The following PCDH15 variants were observed in gnomAD, a reference collection of about 807,000 sequenced individuals.
The protein encoded by PCDH15 is protocadherin related 15.
In PCDH15, 129 loss-of-function variants were observed where a neutral mutation model predicts 178.5. That is an observed-to-expected ratio of 0.72 (90% CI 0.63 to 0.84). The LOEUF is 0.84. PCDH15 is among the 40% of genes least tolerant of loss of function. The pLI, the probability that PCDH15 is intolerant of heterozygous loss-of-function variation, is 0.00. For synonymous variants in PCDH15, 800 were observed against 732.0 expected (o/e 1.09, Z -1.50); for missense variants, 2,230 against 2,099.9 (o/e 1.06, Z -1.21).
chr10:53,822,575 T>TGTCTCTCTCCTAGAGAGTGAAGAATGTAA, intron 32 of PCDH15: 1 of 1,613,916 alleles, frequency 6.2e-7, no homozygotes, highest in Non-Finnish European at 8.5e-7. Flanking sequence ...TACAAATAGG[T>TGTCTCTCTCCTAGAGAGTGAAGAATGTAA]GTCTCTCTCC....
intron 2 of PCDH15, among the ~76,000 whole-genome samples, chr10:55,329,673 C>G (rs533145842): frequency 6.6e-6 from 1 of 151,794 alleles, no homozygotes; most frequent in South Asian, 2.1e-4. Context: ...TGACATGAAA[C>G]CTATAGAGAG....
intron 3 of PCDH15, among the ~76,000 whole-genome samples, chr10:54,503,225 A>G (rs9794198): frequency 2.3e-3 from 196 of 83,770 alleles, no homozygotes; most frequent in South Asian, 9.0e-3. Context: ...ATACATATAT[A>G]TGTGTGTGTG....
At chr10:54,417,772 A>G (rs894809454) in intron 3 of PCDH15, among the ~76,000 whole-genome samples, 5 of 152,210 alleles carry the variant, frequency 3.3e-5, no homozygotes, top group Non-Finnish European at 7.3e-5. Context: ...AGTACAATAT[A>G]AATTCCAGAT....
At chr10:55,317,860 G>T (rs138308956) in intron 1 of PCDH15, among the ~76,000 whole-genome samples, 1 of 152,112 alleles carries the variant, frequency 6.6e-6, no homozygotes, top group African/African-American at 2.4e-5. Context: ...AACTGGAAAG[G>T]CACCTTCTAG....
chr10:55,546,197 G>T (rs541600502), intron 2 of PCDH15, among the ~76,000 whole-genome samples: 20 of 152,018 alleles, frequency 1.3e-4, no homozygotes, highest in South Asian at 1.0e-3. Flanking sequence ...TGTAAATAGA[G>T]GGAAAAACAT....
intron 26 of PCDH15, among the ~76,000 whole-genome samples, chr10:53,873,763 AAT>A (rs2080031137): frequency 6.6e-6 from 1 of 152,258 alleles, no homozygotes; most frequent in Admixed American, 6.5e-5. Flanking sequence ...GTTGAAACAT[AAT>A]ACTCAATGTG....
intron 3 of PCDH15, among the ~76,000 whole-genome samples, chr10:54,845,123 C>CT (rs1334588134): frequency 6.6e-6 from 1 of 150,764 alleles, no homozygotes; most frequent in Non-Finnish European, 1.5e-5. Context: ...GCCTTTTTTT[C>CT]TTTTTTCTTT....
chr10:54,932,335 G>A (rs1477630326), intron 2 of PCDH15, among the ~76,000 whole-genome samples: 1 of 152,012 alleles, frequency 6.6e-6, no homozygotes, highest in Non-Finnish European at 1.5e-5. Context: ...GTGTGTTTGT[G>A]GCTTAATTTT....
intron 2 of PCDH15, among the ~76,000 whole-genome samples, chr10:54,658,673 G>C (rs1245958214): frequency 6.6e-6 from 1 of 152,122 alleles, no homozygotes; most frequent in Non-Finnish European, 1.5e-5. Flanking sequence ...GACAATACTT[G>C]CTACCAGAAA....
chr10:54,696,975 A>T (rs1439164772), intron 1 of PCDH15, among the ~76,000 whole-genome samples: 3 of 152,050 alleles, frequency 2.0e-5, no homozygotes, highest in Non-Finnish European at 4.4e-5. Context: ...GAGATGGTGT[A>T]TCACTATGTT....
At chr10:54,181,556 A>G (rs2047988658) in intron 13 of PCDH15, among the ~76,000 whole-genome samples, 1 of 152,114 alleles carries the variant, frequency 6.6e-6, no homozygotes, top group Non-Finnish European at 1.5e-5. Context: ...CTCCCTCCAT[A>G]GTAGTCCCCA....
chr10:55,029,195 T>C (rs1840550379), intron 2 of PCDH15, among the ~76,000 whole-genome samples: 1 of 152,012 alleles, frequency 6.6e-6, no homozygotes, highest in African/African-American at 2.4e-5. Flanking sequence ...CGGCCATATT[T>C]TCTGTCCTTG....
chr10:55,469,766 G>T (rs970128858), intron 2 of PCDH15, among the ~76,000 whole-genome samples: 4 of 151,662 alleles, frequency 2.6e-5, no homozygotes, highest in African/African-American at 9.7e-5. Flanking sequence ...TTATTATATT[G>T]CCACAACCAT....
chr10:55,377,274 G>T (rs1837416325), intron 2 of PCDH15, among the ~76,000 whole-genome samples: 1 of 151,748 alleles, frequency 6.6e-6, no homozygotes, highest in South Asian at 2.1e-4. Context: ...TCTACAAGCA[G>T]TTTGACTTGC....
chr10:55,030,750 C>G (rs529762726), intron 2 of PCDH15, among the ~76,000 whole-genome samples: 1 of 151,562 alleles, frequency 6.6e-6, no homozygotes, highest in African/African-American at 2.4e-5. Context: ...TGAATTTTCA[C>G]GAATAGAAAA....
At chr10:54,086,432 G>A (rs980432958) in intron 16 of PCDH15, among the ~76,000 whole-genome samples, 2 of 152,118 alleles carry the variant, frequency 1.3e-5, no homozygotes, top group East Asian at 3.9e-4. Context: ...TCAAAATGAG[G>A]TTTGGAGTGT....
chr10:54,624,591 G>T (rs554570062), intron 2 of PCDH15, among the ~76,000 whole-genome samples: 17 of 152,320 alleles, frequency 1.1e-4, no homozygotes, highest in African/African-American at 3.1e-4. Flanking sequence ...CAATCCCTGG[G>T]CCATGGACCA....
intron 2 of PCDH15, among the ~76,000 whole-genome samples, chr10:54,629,719 T>C (rs1056244213): frequency 6.6e-6 from 1 of 151,964 alleles, no homozygotes; most frequent in Admixed American, 6.6e-5. Context: ...CTATTCAACA[T>C]AGTACTGGAA....
intron 3 of PCDH15, among the ~76,000 whole-genome samples, chr10:54,863,496 C>T (rs548666835): frequency 3.2e-4 from 49 of 152,242 alleles, no homozygotes; most frequent in South Asian, 6.2e-4. Flanking sequence ...GAGCCGAGAT[C>T]GTGCCACTGC....
Sources: gnomAD v4.1 joint callset for allele counts (sites outside exome capture counted in the v4.1 genomes callset) on GRCh38, gnomAD v4.1.1 for gene constraint, MANE v1.5 for transcripts, NCBI Gene and HGNC (gene_info 2026-07-23, HGNC 2026-07-21) for gene names.